The following CNTNAP2 variants were observed in gnomAD, a reference collection of about 807,000 sequenced individuals.
CNTNAP2 encodes contactin-associated protein-like 2.
CNTNAP2 carries 98 observed loss-of-function variants against 155.2 expected under a neutral mutation model. The ratio of observed to expected loss-of-function variants is 0.63; its 90% CI spans 0.54 to 0.75. CNTNAP2 has a LOEUF of 0.75. CNTNAP2 is among the 30% of genes least tolerant of loss of function. The pLI, the probability that CNTNAP2 is intolerant of heterozygous loss-of-function variation, is 0.00. For missense variants in CNTNAP2, 1,727 were observed against 1,688.1 expected (o/e 1.02, Z -0.40); for synonymous variants, 651 against 631.2 (o/e 1.03, Z -0.47).
intron 1 of CNTNAP2, among the ~76,000 whole-genome samples, chr7:146,230,402 C>G (rs950318510): frequency 7.9e-5 from 12 of 152,172 alleles, no homozygotes; most frequent in African/African-American, 2.9e-4. Flanking sequence ...TTCTAGTATG[C>G]TGATACAAAA....
chr7:147,286,766 C>T lies in CNTNAP2; in HGVS notation c.1349-13375C>T, dbSNP rs75349602. ...CTTTATAGCTAAACTACTCGAGGGTCATATCTTCCCTTTCCATTCACCTAC... is the reference window on the plus strand; with the variant it reads ...CTTTATAGCTAAACTACTCGAGGGTTATATCTTCCCTTTCCATTCACCTAC... On this transcript the variant is annotated intron_variant, in intron 8 of 23. Transcript: ENST00000361727. 7.5e-3 allele frequency among the ~76,000 whole-genome samples: 1,143 copies of T among 152,190 alleles called. 13 individuals are homozygous for T. Among genetic ancestry groups the T allele is most frequent in the African/African-American group, 0.026 (1,088 of 41,542 alleles).
chr7:146,343,737 T>C (rs1279941299), intron 1 of CNTNAP2, among the ~76,000 whole-genome samples: 1 of 152,164 alleles, frequency 6.6e-6, no homozygotes, highest in Non-Finnish European at 1.5e-5. Flanking sequence ...ATATAGGATA[T>C]TTCATTTGTT....
chr7:147,248,238 C>T (rs1804111689), intron 8 of CNTNAP2, among the ~76,000 whole-genome samples: 1 of 152,176 alleles, frequency 6.6e-6, no homozygotes, highest in Non-Finnish European at 1.5e-5. Context: ...GCACAGGTCC[C>T]CGTCTATTGC....
chr7:146,932,450 G>A (rs1796786244), intron 3 of CNTNAP2, among the ~76,000 whole-genome samples: 1 of 151,996 alleles, frequency 6.6e-6, no homozygotes, highest in South Asian at 2.1e-4. Context: ...AATAATAAGA[G>A]CTATCTATGA....
chr7:148,138,765 C>T (rs1296281097), intron 16 of CNTNAP2, among the ~76,000 whole-genome samples: 1 of 152,164 alleles, frequency 6.6e-6, no homozygotes, highest in Non-Finnish European at 1.5e-5. Context: ...AACAGCTGTG[C>T]TCTTTCCAAA....
At position 147,544,636 on chromosome 7, in the gene CNTNAP2, T is replaced by C. The variant is rs1799699409; in HGVS notation, c.1778-17502T>C. Among the ~76,000 whole-genome samples the C allele has an allele frequency of 2.0e-5, 3 of 151,942 alleles. No individual in the cohort carries two copies. The South Asian group carries it at 6.2e-4, about 32-fold the overall frequency. ...TTGTCTTCTTTCTCTATTAATATTA[T>C]ATATATATGTGATAAGATTTGGCTG... On this transcript the variant is annotated intron_variant, in intron 11 of 23. Coordinates refer to ENST00000361727, the MANE Select transcript of CNTNAP2 (RefSeq NM_014141.6).
chr7:148,324,444 A>T (rs1797854585), intron 21 of CNTNAP2, among the ~76,000 whole-genome samples: 1 of 152,134 alleles, frequency 6.6e-6, no homozygotes, highest in Non-Finnish European at 1.5e-5. Flanking sequence ...AAAGCATTCT[A>T]TGCATTTCAC....
chr7:148,162,236 C>G (rs767392560), intron 17 of CNTNAP2, among the ~76,000 whole-genome samples: 8 of 152,138 alleles, frequency 5.3e-5, no homozygotes, highest in Non-Finnish European at 1.0e-4. Context: ...CAAAACTCAC[C>G]AGCAGGACAC....
At chr7:147,118,071 T>C (rs1345338080) in intron 5 of CNTNAP2, among the ~76,000 whole-genome samples, 1 of 152,022 alleles carries the variant, frequency 6.6e-6, no homozygotes, top group African/African-American at 2.4e-5. Context: ...TATAGGCAAA[T>C]GATATACAAG....
chr7:146,758,773 G>C (rs61664997), intron 1 of CNTNAP2, among the ~76,000 whole-genome samples: 4,981 of 152,232 alleles, frequency 0.033, 277 homozygotes, highest in African/African-American at 0.11. Context: ...TTCAAAATGA[G>C]ATTTGGGTGG....
intron 1 of CNTNAP2, among the ~76,000 whole-genome samples, chr7:146,539,869 C>A (rs1422684502): frequency 6.6e-6 from 1 of 151,958 alleles, no homozygotes; most frequent in Non-Finnish European, 1.5e-5. Flanking sequence ...CTGTTAATTT[C>A]CTAAAAGAAA....
chr7:147,032,067 G>A (rs1002840132), intron 3 of CNTNAP2, among the ~76,000 whole-genome samples: 25 of 152,198 alleles, frequency 1.6e-4, no homozygotes, highest in African/African-American at 5.6e-4. Flanking sequence ...GATAGGGAGT[G>A]AGGGTCACGT....
chr7:147,244,691 G>T (rs923446315), intron 8 of CNTNAP2, among the ~76,000 whole-genome samples: 15 of 152,160 alleles, frequency 9.9e-5, no homozygotes, highest in African/African-American at 3.1e-4. Flanking sequence ...ATGGAGAGCA[G>T]ATTTTTAAGA....
intron 5 of CNTNAP2, 104 bp from the exon 6 acceptor site, chr7:147,120,875 T>A: frequency 9.6e-7 from 1 of 1,042,714 alleles, no homozygotes; most frequent in East Asian, 2.4e-5. Context: ...GATAGAGCTT[T>A]GATGGAATGT....
intron 14 of CNTNAP2, among the ~76,000 whole-genome samples, chr7:147,915,298 T>C (rs1407656711): frequency 2.0e-5 from 3 of 152,224 alleles, no homozygotes; most frequent in Admixed American, 2.0e-4. Flanking sequence ...ATTCATACCA[T>C]TAGCCCTGTA....
chr7:148,115,896 T>C (rs553787513), intron 15 of CNTNAP2, among the ~76,000 whole-genome samples: 3 of 151,712 alleles, frequency 2.0e-5, no homozygotes, highest in Non-Finnish European at 4.4e-5. Context: ...CGCAGCACTT[T>C]GGGAGGCTGA....
chr7:148,347,026 GC>G, intron 21 of CNTNAP2, among the ~76,000 whole-genome samples: 1 of 151,872 alleles, frequency 6.6e-6, no homozygotes, highest in African/African-American at 2.4e-5. Flanking sequence ...GGAGGCCGAG[GC>G]TGGAGGATCA....
At chr7:146,690,026 A>G (rs541222474) in intron 1 of CNTNAP2, among the ~76,000 whole-genome samples, 1 of 151,710 alleles carries the variant, frequency 6.6e-6, no homozygotes, top group South Asian at 2.1e-4. Context: ...ATCTATTTAA[A>G]TCTTAAGATA....
At chr7:146,403,061 T>A (rs1795737604) in intron 1 of CNTNAP2, among the ~76,000 whole-genome samples, 1 of 152,166 alleles carries the variant, frequency 6.6e-6, no homozygotes, top group South Asian at 2.1e-4. Context: ...AATGTTGAGA[T>A]TTTAATGAAT....
Sources: gnomAD v4.1 joint callset for allele counts (sites outside exome capture counted in the v4.1 genomes callset) on GRCh38, gnomAD v4.1.1 for gene constraint, MANE v1.5 for transcripts, NCBI Gene and HGNC (gene_info 2026-07-23, HGNC 2026-07-21) for gene names.